The following SCTR variants were observed in gnomAD, a reference collection of about 807,000 sequenced individuals.
SCTR encodes the protein secretin receptor, also known as pancreatic secretin receptor.
A neutral mutation model predicts 60.8 loss-of-function variants in SCTR; 56 were observed. The observed-to-expected ratio is 0.92, with a 90% CI of 0.74 to 1.15. The LOEUF (loss-of-function observed/expected upper bound fraction) is 1.15. Among genes scored for constraint, SCTR ranks in the 50% most tolerant of loss-of-function variants. The probability of loss-of-function intolerance (pLI) is 0.00; values close to 1 mark genes in which losing one functional copy is unlikely to be tolerated. For missense variants in SCTR, 562 were observed against 550.4 expected, an observed-to-expected ratio of 1.02 and a Z score of -0.21; for synonymous variants, 202 against 217.0, an observed-to-expected ratio of 0.93 and a Z score of 0.61.
At chr2:119,459,492 A>T (rs1683513349) in intron 7 of SCTR, among the ~76,000 whole-genome samples, 1 of 152,104 alleles carries the variant, frequency 6.6e-6, no homozygotes, top group Non-Finnish European at 1.5e-5. Context: ...TGATGAAATC[A>T]GTATAATTTC....
At chr2:119,478,197 G>A (rs1378105535) in intron 3 of SCTR, among the ~76,000 whole-genome samples, 1 of 152,214 alleles carries the variant, frequency 6.6e-6, no homozygotes. Flanking sequence ...TGGATCAAGG[G>A]AAAAGTCCTG....
At chr2:119,467,493 G>C (rs1399943793) in intron 4 of SCTR, among the ~76,000 whole-genome samples, 1 of 152,074 alleles carries the variant, frequency 6.6e-6, no homozygotes, top group Non-Finnish European at 1.5e-5. Context: ...ATATGTAAAA[G>C]TAATAATTTC....
In SCTR at chr2:119,446,903, C is replaced by T. The variant is rs748268827; in HGVS notation, c.1014-18G>A. 6.8e-7 allele frequency: 1 copy of T among 1,468,946 alleles called. No individual in the cohort carries two copies. Among genetic ancestry groups the T allele is most frequent in the Non-Finnish European group, 9.1e-7 (1 of 1,104,054 alleles). The allele number at this position is 1,468,946 out of a possible 1,614,324, so 91.0% of individuals were successfully genotyped here. ...CCAGGCGCCTGGGGACACAGAAAGC[C>T]TGTAGCCTCCACTCTGCCTCCCTGC... On this transcript the variant is annotated intron_variant, in intron 10 of 12. Transcript: ENST00000019103.
intron 4 of SCTR, among the ~76,000 whole-genome samples, chr2:119,468,944 A>G (rs919838121): frequency 6.6e-6 from 1 of 152,058 alleles, no homozygotes; most frequent in Admixed American, 6.5e-5. Flanking sequence ...CAGTTGGGGG[A>G]AGTTTCCAGA....
rs767302439 is a variant in SCTR, at chr2:119,448,798, G to T, written c.922-18C>A. The T allele has an allele frequency of 3.5e-6, 5 of 1,426,680 alleles. No homozygotes were observed. Among genetic ancestry groups the T allele is most frequent in the Non-Finnish European group, 4.9e-6 (5 of 1,011,016 alleles). 88.4% of individuals were successfully genotyped at this position (1,426,680 alleles called of 1,614,324 possible). ...AAATTAATCTGCAAAACACAAGGCA[G>T]AGGTGGGGCTGAAGGCATCTTGCTT... On this transcript the variant is annotated intron_variant, in intron 9 of 12. Transcript: ENST00000019103.
At chr2:119,444,270 T>TACATATGAATATATACAC (rs1682785873) in intron 11 of SCTR, among the ~76,000 whole-genome samples, 15 of 102,012 alleles carry the variant, frequency 1.5e-4, no homozygotes, top group African/African-American at 6.5e-4. Context: ...AATATATACA[T>TACATATGAATATATACAC]ATATACATAT....
intron 5 of SCTR, among the ~76,000 whole-genome samples, chr2:119,465,497 A>G (rs531880174): frequency 6.6e-6 from 1 of 152,310 alleles, no homozygotes; most frequent in South Asian, 2.1e-4. Flanking sequence ...TCTCGCTAGT[A>G]CTACTGTAAA....
intron 3 of SCTR, 150 bp downstream of exon 3, chr2:119,478,661 G>A: frequency 1.5e-6 from 1 of 687,152 alleles, no homozygotes; most frequent in Non-Finnish European, 2.4e-6. Flanking sequence ...TCCCAAGCAA[G>A]GCTTCTAATC....
chr2:119,484,118 G>C (rs1395070813), intron 2 of SCTR, among the ~76,000 whole-genome samples: 4 of 152,160 alleles, frequency 2.6e-5, no homozygotes, highest in African/African-American at 9.7e-5. Flanking sequence ...GCCTGACTTG[G>C]GGGTAAGCGG....
intron 4 of SCTR, among the ~76,000 whole-genome samples, chr2:119,470,325 A>T (rs1018244841): frequency 1.3e-5 from 2 of 152,214 alleles, no homozygotes; most frequent in Admixed American, 1.3e-4. Context: ...CTTCACCCTC[A>T]GTTGATAAAA....
At chr2:119,490,352 C>A (rs72834816) in intron 2 of SCTR, among the ~76,000 whole-genome samples, 2,833 of 152,338 alleles carry the variant, frequency 0.019, 39 homozygotes, top group South Asian at 0.053. Flanking sequence ...TGTTCCTCTG[C>A]TTCCAGCTGC....
intron 1 of SCTR, among the ~76,000 whole-genome samples, chr2:119,502,154 G>C (rs1678575621): frequency 6.6e-6 from 1 of 152,120 alleles, no homozygotes; most frequent in African/African-American, 2.4e-5. Context: ...TACTTGGAAG[G>C]CTGAGGCAGG....
At chr2:119,524,053 G>T in intron 1 of SCTR, 102 bp downstream of exon 1, 1 of 846,702 alleles carries the variant, frequency 1.2e-6, no homozygotes, top group Non-Finnish European at 1.9e-6. Context: ...CTCATGGGAA[G>T]ATCTGCTAGT....
chr2:119,491,944 C>A lies in SCTR; in HGVS notation c.193+2484G>T, dbSNP rs1336237469. ...TGGTTTTGCTCCAGGTGGCTACATG[C>A]ACAGCTATAAACTCAACCTGCAACA... On this transcript the variant is annotated intron_variant, in intron 2 of 12. Coordinates refer to ENST00000019103, the MANE Select transcript of SCTR (RefSeq NM_002980.3). Among the ~76,000 whole-genome samples the A allele has an allele frequency of 2.6e-5, 4 of 152,326 alleles. No individual in the cohort carries two copies. In the East Asian group the frequency reaches 7.7e-4, roughly 29 times the overall value.
chr2:119,475,419 T>G (rs917132339), intron 3 of SCTR, among the ~76,000 whole-genome samples: 1 of 152,036 alleles, frequency 6.6e-6, no homozygotes. Flanking sequence ...AGACAGATGC[T>G]GCATGTGACC....
chr2:119,519,119 G>A (rs566474850), intron 1 of SCTR, among the ~76,000 whole-genome samples: 4 of 152,166 alleles, frequency 2.6e-5, no homozygotes, highest in South Asian at 2.1e-4. Flanking sequence ...AGGCCACCAC[G>A]CCCAGCTAAT....
chr2:119,484,139 G>A lies in SCTR; in HGVS notation c.194-5221C>T, dbSNP rs151156273. ...CTTGGGGGTAAGCGGCATTCATTGA[G>A]ATAGGGGATGGGGGAGCTTTGTCAA... is the stretch of plus-strand genomic sequence containing the variant. On this transcript the variant is annotated intron_variant, in intron 2 of 12. Coordinates refer to ENST00000019103, the MANE Select transcript of SCTR (RefSeq NM_002980.3). Among the ~76,000 whole-genome samples, 434 of 152,260 alleles carry A rather than the reference G, an allele frequency of 2.9e-3. 6 individuals carry two copies. Among genetic ancestry groups the A allele is most frequent in the African/African-American group, 0.01 (426 of 41,556 alleles).
chr2:119,504,293 T>C (rs1038149143), intron 1 of SCTR, among the ~76,000 whole-genome samples: 10 of 152,164 alleles, frequency 6.6e-5, no homozygotes, highest in Non-Finnish European at 1.3e-4. Context: ...TATGAAACTT[T>C]TATTTAAAAG....
intron 1 of SCTR, among the ~76,000 whole-genome samples, chr2:119,508,248 C>A (rs1039223045): frequency 2.6e-5 from 4 of 152,004 alleles, no homozygotes; most frequent in Admixed American, 2.0e-4. Context: ...GAGTAACAGC[C>A]CTAAGGCTGA....
Sources: gnomAD v4.1 joint callset for allele counts (sites outside exome capture counted in the v4.1 genomes callset) on GRCh38, gnomAD v4.1.1 for gene constraint, MANE v1.5 for transcripts, NCBI Gene and HGNC (gene_info 2026-07-23, HGNC 2026-07-21) for gene names.